ROBO1: variants seen among roughly 807,000 people sequenced by gnomAD.
The protein encoded by ROBO1 is roundabout homolog 1.
Under a neutral mutation model 195.9 loss-of-function variants are expected in ROBO1, and 149 were observed. That is an observed-to-expected ratio of 0.76 (90% confidence interval 0.67 to 0.87). The LOEUF (loss-of-function observed/expected upper bound fraction) is 0.87. ROBO1 is among the 40% of genes least tolerant of loss of function. ROBO1 has a pLI of 0.00. For synonymous variants in ROBO1, 816 were observed against 733.2 expected, an observed-to-expected ratio of 1.11 and a Z score of -1.82; for missense variants, 1,933 against 2,068.3, an observed-to-expected ratio of 0.93 and a Z score of 1.27.
At chr3:79,415,091 T>C (rs1256221322) in intron 2 of ROBO1, among the ~76,000 whole-genome samples, 2 of 152,122 alleles carry the variant, frequency 1.3e-5, no homozygotes, top group Admixed American at 1.3e-4. Context: ...TCACTAACCA[T>C]ATAAATACAT....
chr3:79,670,626 G>A (rs570105772), intron 1 of ROBO1, among the ~76,000 whole-genome samples: 1 of 151,876 alleles, frequency 6.6e-6, no homozygotes, highest in South Asian at 2.1e-4. Context: ...ACATTGAAAT[G>A]GCACACATTC....
chr3:79,327,248 A>G (rs1488559370), intron 2 of ROBO1, among the ~76,000 whole-genome samples: 3 of 152,050 alleles, frequency 2.0e-5, no homozygotes, highest in Non-Finnish European at 4.4e-5. Flanking sequence ...ATAAAATACA[A>G]GAGACTGACA....
chr3:79,200,639 A>C (rs1240546703), intron 2 of ROBO1, among the ~76,000 whole-genome samples: 1 of 151,852 alleles, frequency 6.6e-6, no homozygotes, highest in Non-Finnish European at 1.5e-5. Context: ...GGTTTCCAGA[A>C]GCAACAAAAG....
At chr3:78,873,450 T>A (rs1318799991) in intron 4 of ROBO1, among the ~76,000 whole-genome samples, 1 of 152,164 alleles carries the variant, frequency 6.6e-6, no homozygotes, top group Non-Finnish European at 1.5e-5. Context: ...ATCAAAAACA[T>A]GAATTCCAAT....
intron 2 of ROBO1, among the ~76,000 whole-genome samples, chr3:79,223,368 T>C (rs2082174421): frequency 6.6e-6 from 1 of 152,168 alleles, no homozygotes; most frequent in Non-Finnish European, 1.5e-5. Context: ...CATTTAACCC[T>C]GCAGACATTG....
chr3:79,254,025 ACTT>A (rs1171272895), intron 2 of ROBO1, among the ~76,000 whole-genome samples: 1 of 152,086 alleles, frequency 6.6e-6, no homozygotes, highest in African/African-American at 2.4e-5. Context: ...CTCTGGAGTG[ACTT>A]CTTCTTGTTT....
intron 1 of ROBO1, among the ~76,000 whole-genome samples, chr3:79,667,200 A>C (rs900073363): frequency 6.6e-6 from 1 of 151,876 alleles, no homozygotes; most frequent in Non-Finnish European, 1.5e-5. Flanking sequence ...AAAGACAAAA[A>C]CATTTTAGAA....
intron 1 of ROBO1, among the ~76,000 whole-genome samples, chr3:79,743,197 G>C (rs1227721418): frequency 6.6e-6 from 1 of 152,116 alleles, no homozygotes; most frequent in East Asian, 1.9e-4. Flanking sequence ...CACAAACCTG[G>C]AGGTATAGCC....
intron 1 of ROBO1, among the ~76,000 whole-genome samples, chr3:79,594,304 A>T (rs1649360236): frequency 6.6e-6 from 1 of 152,082 alleles, no homozygotes; most frequent in Admixed American, 6.6e-5. Flanking sequence ...TAATCCAACA[A>T]GAAAAAGCAC....
intron 1 of ROBO1, among the ~76,000 whole-genome samples, chr3:79,747,116 T>G (rs1052068061): frequency 1.3e-5 from 2 of 152,068 alleles, no homozygotes; most frequent in Non-Finnish European, 2.9e-5. Flanking sequence ...TGGGTTTTCC[T>G]TTTTTAAATG....
intron 2 of ROBO1, among the ~76,000 whole-genome samples, chr3:79,552,040 GAA>G (rs201368854): frequency 3.1e-4 from 24 of 78,512 alleles, no homozygotes; most frequent in African/African-American, 8.4e-4. Context: ...TTTGCTACAG[GAA>G]AAAAAAAAAA....
intron 19 of ROBO1, 25 bp from the exon 20 acceptor site, chr3:78,647,680 A>G: frequency 6.3e-7 from 1 of 1,598,274 alleles, no homozygotes. Context: ...CAAAATATAA[A>G]CCAGTTATTA....
At chr3:79,145,741 C>A (rs537988457) in intron 2 of ROBO1, among the ~76,000 whole-genome samples, 7 of 151,964 alleles carry the variant, frequency 4.6e-5, no homozygotes, top group Non-Finnish European at 8.8e-5. Context: ...TCAATAAACT[C>A]TGACAGCTTG....
intron 2 of ROBO1, among the ~76,000 whole-genome samples, chr3:79,264,422 T>C (rs1678880917): frequency 6.6e-6 from 1 of 152,004 alleles, no homozygotes; most frequent in East Asian, 1.9e-4. Flanking sequence ...ATTTTCTTTA[T>C]CACAATTTAA....
intron 2 of ROBO1, among the ~76,000 whole-genome samples, chr3:79,536,149 T>C (rs1941852583): frequency 6.6e-6 from 1 of 152,176 alleles, no homozygotes; most frequent in African/African-American, 2.4e-5. Flanking sequence ...AGGATTGCTC[T>C]GAAATGCTCT....
At chr3:79,694,103 A>G (rs187837469) in intron 1 of ROBO1, among the ~76,000 whole-genome samples, 1 of 151,968 alleles carries the variant, frequency 6.6e-6, no homozygotes, top group African/African-American at 2.4e-5. Context: ...ATCACACACA[A>G]AGAACATTCT....
chr3:79,595,034 C>T lies in ROBO1; in HGVS notation c.-50-5073G>A, dbSNP rs866029075. On this transcript the variant is annotated intron_variant, in intron 1 of 30. Transcript: ENST00000464233. Reference sequence around the variant, plus strand: ...GTATAGAACCATGCAAACTCCACCACAATCAAGATATAGATCCTTTCCACA... The same window carrying T: ...GTATAGAACCATGCAAACTCCACCATAATCAAGATATAGATCCTTTCCACA... Among the ~76,000 whole-genome samples the T allele has an allele frequency of 3.1e-4, 47 of 151,974 alleles. 1 individual carries two copies. In the Middle Eastern group the frequency reaches 0.024, roughly 78 times the overall value.
chr3:78,668,416 C>T (rs1383708239), intron 12 of ROBO1, 68 bp downstream of exon 12: 4 of 1,582,240 alleles, frequency 2.5e-6, no homozygotes, highest in Non-Finnish European at 3.5e-6. Context: ...TTTACTTCAT[C>T]AATATCCCAG....
intron 10 of ROBO1, among the ~76,000 whole-genome samples, chr3:78,680,087 T>G (rs1187499876): frequency 6.6e-6 from 1 of 152,278 alleles, no homozygotes; most frequent in Non-Finnish European, 1.5e-5. Context: ...GGGGAAAGGA[T>G]TCCCTATTTA....
Sources: gnomAD v4.1 joint callset for allele counts (sites outside exome capture counted in the v4.1 genomes callset) on GRCh38, gnomAD v4.1.1 for gene constraint, MANE v1.5 for transcripts, NCBI Gene and HGNC (gene_info 2026-07-23, HGNC 2026-07-21) for gene names.